CDK5RAP2: variants seen among roughly 807,000 people sequenced by gnomAD.
CDK5RAP2 encodes the protein CDK5 regulatory subunit associated protein 2.
A neutral mutation model predicts 232.9 loss-of-function variants in CDK5RAP2; 147 were observed. That is an observed-to-expected ratio of 0.63 (90% CI 0.55 to 0.72). CDK5RAP2 has a LOEUF of 0.72. CDK5RAP2 is among the 30% of genes least tolerant of loss of function. The probability of loss-of-function intolerance (pLI) is 0.00; values close to 1 mark genes in which losing one functional copy is unlikely to be tolerated. For missense variants in CDK5RAP2, 2,195 were observed against 2,231.5 expected (o/e 0.98, Z 0.33); for synonymous variants, 833 against 833.7 (o/e 1.00, Z 0.01).
At chr9:120,457,890 G>T (rs1247339268) in intron 20 of CDK5RAP2, among the ~76,000 whole-genome samples, 1 of 152,200 alleles carries the variant, frequency 6.6e-6, no homozygotes. Context: ...AGCCCAAGCA[G>T]CTGTTATGGA....
At chr9:120,400,596 A>G in intron 35 of CDK5RAP2, 146 bp downstream of exon 35, 1 of 916,930 alleles carries the variant, frequency 1.1e-6, no homozygotes. Flanking sequence ...AACACAGTGA[A>G]GCCATGGCAA....
chr9:120,561,144 A>C (rs2042448720), intron 3 of CDK5RAP2, among the ~76,000 whole-genome samples: 1 of 152,170 alleles, frequency 6.6e-6, no homozygotes, highest in Non-Finnish European at 1.5e-5. Flanking sequence ...ACAATACTGC[A>C]TGTAAGATAA....
intron 3 of CDK5RAP2, among the ~76,000 whole-genome samples, chr9:120,561,225 A>T (rs2042451993): frequency 6.6e-6 from 1 of 152,056 alleles, no homozygotes; most frequent in African/African-American, 2.4e-5. Context: ...TGATGCTGAT[A>T]CTCTCCTTGG....
Position 120,529,929 on chromosome 9 carries a change from G to A in CDK5RAP2, c.825+49C>T, listed in dbSNP as rs775969867. 5 of 1,566,120 alleles carry A rather than the reference G, an allele frequency of 3.2e-6. No individual in the cohort carries two copies. The Admixed American group carries it at 6.7e-5, about 21-fold the overall frequency. Reference sequence around the variant, plus strand: ...AATGCGCATTCCATCTCCCACAGAGGAGTCTGGTTGGCTAATTAAAGCCCC... The same window carrying A: ...AATGCGCATTCCATCTCCCACAGAGAAGTCTGGTTGGCTAATTAAAGCCCC... On this transcript the variant is annotated intron_variant, in intron 8 of 37. Transcript: ENST00000349780.
chr9:120,453,911 C>T, intron 20 of CDK5RAP2, 38 bp from the exon 21 acceptor site: 1 of 1,606,940 alleles, frequency 6.2e-7, no homozygotes, highest in South Asian at 1.1e-5. Flanking sequence ...GAGAACCAAG[C>T]TTTCTGCTAG....
In CDK5RAP2 at chr9:120,403,141, T is replaced by C. The variant is rs564786641; in HGVS notation, c.5042-70A>G. On this transcript the variant is annotated intron_variant, in intron 33 of 37. Transcript: ENST00000349780. This position sits in a 1 kb window ranked among gnomAD's most constrained non-coding sequence, Gnocchi z 4.2. ...TCTGCGTTCAAGACGCTTATGATGTTGAAGCTAGCTAGGAGGGCTAGAAGA... is the reference window on the plus strand; with the variant it reads ...TCTGCGTTCAAGACGCTTATGATGTCGAAGCTAGCTAGGAGGGCTAGAAGA... The C allele has an allele frequency of 2.2e-5, 34 of 1,541,998 alleles. 2 individuals are homozygous for C. In the South Asian group the frequency reaches 3.7e-4, roughly 17 times the overall value.
chr9:120,421,868 T>C (rs1270200036), intron 26 of CDK5RAP2, among the ~76,000 whole-genome samples: 3 of 152,176 alleles, frequency 2.0e-5, no homozygotes, highest in Non-Finnish European at 2.9e-5. Context: ...CAGATTCAAG[T>C]TCAAATCCTA....
chr9:120,545,182 T>C (rs1402764292), intron 5 of CDK5RAP2, among the ~76,000 whole-genome samples: 1 of 152,186 alleles, frequency 6.6e-6, no homozygotes, highest in Non-Finnish European at 1.5e-5. Context: ...TCTGTCTCCC[T>C]GCCTCACCCA....
rs1272771491 is a variant in CDK5RAP2, at chr9:120,409,251, G to A, written c.4480C>T (p.Leu1494Phe). 6.2e-7 allele frequency: 1 copy of A among 1,613,924 alleles called. No individual in the cohort carries two copies. The highest frequency in any genetic ancestry group is 1.3e-5 in the African/African-American group (1 of 75,040). ...TTCACGCTGGCATACTCCCGCTGAAGGTGCTCCAGGCTCACGGTCTTCCTG... is the reference window on the plus strand; with the variant it reads ...TTCACGCTGGCATACTCCCGCTGAAAGTGCTCCAGGCTCACGGTCTTCCTG... The part of the protein sequence containing the change: ...LSRKTVSLEH[L>F]QREYASVKEE... Residue 1494 changes from leucine to phenylalanine, a missense_variant, in exon 30 of 38, where the codon CTT becomes TTT. Transcript: ENST00000349780.
At chr9:120,491,501 G>A in intron 12 of CDK5RAP2, 24 bp from the exon 13 acceptor site, 1 of 1,578,818 alleles carries the variant, frequency 6.3e-7, no homozygotes. Context: ...ATGAAAAAAT[G>A]GAATTTACTT....
intron 7 of CDK5RAP2, among the ~76,000 whole-genome samples, chr9:120,533,746 C>T (rs1471691445): frequency 2.1e-5 from 3 of 146,012 alleles, no homozygotes; most frequent in Admixed American, 1.4e-4. Context: ...TGCAGTAAGC[C>T]AAGATCACGC....
intron 35 of CDK5RAP2, among the ~76,000 whole-genome samples, chr9:120,399,184 A>C (rs1283535981): frequency 6.6e-6 from 1 of 152,206 alleles, no homozygotes; most frequent in Non-Finnish European, 1.5e-5. Context: ...GGAAGAATCA[A>C]TGTGGCTATA....
intron 31 of CDK5RAP2, 59 bp from the exon 32 acceptor site, chr9:120,407,307 G>A (rs878935528): frequency 7.6e-6 from 10 of 1,319,166 alleles, no homozygotes; most frequent in Middle Eastern, 3.6e-4. Flanking sequence ...GTCAGCCATC[G>A]AAGGAACTCA....
At chr9:120,395,115 T>C (rs2032345539) in intron 35 of CDK5RAP2, among the ~76,000 whole-genome samples, 1 of 152,182 alleles carries the variant, frequency 6.6e-6, no homozygotes, top group Non-Finnish European at 1.5e-5. Flanking sequence ...AAAATGACGT[T>C]GTAGAGCTCT....
chr9:120,524,712 G>T (rs2040823227), intron 11 of CDK5RAP2, among the ~76,000 whole-genome samples: 1 of 151,998 alleles, frequency 6.6e-6, no homozygotes. Flanking sequence ...GATTAAATGA[G>T]ATAATCCACA....
At chr9:120,476,916 AG>A (rs1425196478) in intron 15 of CDK5RAP2, among the ~76,000 whole-genome samples, 1 of 152,148 alleles carries the variant, frequency 6.6e-6, no homozygotes, top group Non-Finnish European at 1.5e-5. Context: ...CTTGAGTCCC[AG>A]GGTTCTGTCA....
chr9:120,518,658 G>A lies in CDK5RAP2; in HGVS notation c.1093-13C>T. Reference sequence around the variant, plus strand: ...AGTCTTCAGACCCCTAGAAGAGAAGGCAGAGAAGCAAGATGAGCTAATTTT... The same window carrying A: ...AGTCTTCAGACCCCTAGAAGAGAAGACAGAGAAGCAAGATGAGCTAATTTT... On this transcript the variant is annotated splice_polypyrimidine_tract_variant and intron_variant, in intron 11 of 37. Transcript: ENST00000349780. The A allele has an allele frequency of 6.2e-7, 1 of 1,608,232 alleles. No homozygotes were observed. Among genetic ancestry groups the A allele is most frequent in the Non-Finnish European group, 8.5e-7 (1 of 1,174,968 alleles).
In CDK5RAP2 at chr9:120,403,746, G is replaced by A. The variant is rs778591017; in HGVS notation, c.5041+290C>T. The A allele has an allele frequency of 6.3e-6, 3 of 473,554 alleles. No homozygotes were observed. The highest frequency in any genetic ancestry group is 4.2e-5 in the East Asian group (1 of 23,860). 29.3% of individuals were successfully genotyped at this position (473,554 alleles called of 1,614,324 possible). ...ACCAGGTTAAGGGATAAGGCTGGAC[G>A]GACCCACTGGAGCTGGATCCTGGAG... is the stretch of plus-strand genomic sequence containing the variant. On this transcript the variant is annotated intron_variant, in intron 33 of 37. Coordinates refer to ENST00000349780, the MANE Select transcript of CDK5RAP2 (RefSeq NM_018249.6). This position sits in a 1 kb window ranked among gnomAD's most constrained non-coding sequence, Gnocchi z 4.2.
intron 7 of CDK5RAP2, among the ~76,000 whole-genome samples, chr9:120,532,301 G>C (rs2041188248): frequency 6.6e-6 from 1 of 152,142 alleles, no homozygotes; most frequent in Admixed American, 6.5e-5. Context: ...TGATCTGCAG[G>C]ACTTCCCAGT....
Sources: allele counts gnomAD v4.1 joint callset (sites outside exome capture counted in the v4.1 genomes callset), GRCh38; gene constraint gnomAD v4.1.1; non-coding constraint Gnocchi (gnomAD v3.1); transcripts MANE v1.5; gene names NCBI Gene and HGNC (gene_info 2026-07-23, HGNC 2026-07-21).